The following MAPDA variants were observed in gnomAD, a reference collection of about 807,000 sequenced individuals.
MAPDA encodes N6,N6-dimethyl-AMP deaminase.
At chr15:43,342,360 A>G in the MAPDA span, among the ~76,000 whole-genome samples, 1 of 151,876 alleles carries the variant, frequency 6.6e-6, no homozygotes, top group Non-Finnish European at 1.5e-5. Context: ...CCTGGATGAG[A>G]AACACTAAGC....
chr15:43,336,754 T>C, the MAPDA span: 1 of 1,292,702 alleles, frequency 7.7e-7, no homozygotes, highest in Non-Finnish European at 1.1e-6. Context: ...TTATTGCACA[T>C]GGCCTTTCAT....
At chr15:43,334,632 A>ATTAT in the MAPDA span, among the ~76,000 whole-genome samples, 1 of 4,962 alleles carries the variant, frequency 2.0e-4, no homozygotes, top group South Asian at 0.01. Flanking sequence ...TCTCAAAAAA[A>ATTAT]TTATATATAT....
At chr15:43,347,013 A>C in the MAPDA span, 1 of 1,612,678 alleles carries the variant, frequency 6.2e-7, no homozygotes, top group Non-Finnish European at 8.5e-7. Context: ...TTTTATCTTT[A>C]AGGTAGGACA....
chr15:43,340,135 C>T, the MAPDA span: 1 of 768,192 alleles, frequency 1.3e-6, no homozygotes, highest in South Asian at 1.9e-5. Context: ...TAATCTCTAC[C>T]ACGTGAGAAA....
chr15:43,342,208 G>T, the MAPDA span, among the ~76,000 whole-genome samples: 1 of 151,636 alleles, frequency 6.6e-6, no homozygotes, highest in Non-Finnish European at 1.5e-5. Context: ...TTTATAATCC[G>T]GGTAAAAGGG....
At chr15:43,331,850 A>C in the MAPDA span, 1 of 152,382 alleles carries the variant, frequency 6.6e-6, no homozygotes, top group East Asian at 1.9e-4. Flanking sequence ...GGGTCAGGGC[A>C]GTGGCTAAAG....
At chr15:43,335,178 T>A in the MAPDA span, 1 of 1,613,348 alleles carries the variant, frequency 6.2e-7, no homozygotes, top group Admixed American at 1.7e-5. Flanking sequence ...GTGGTGAGAA[T>A]TCAACTACAG....
At chr15:43,336,970 C>A in the MAPDA span, among the ~76,000 whole-genome samples, 1 of 152,170 alleles carries the variant, frequency 6.6e-6, no homozygotes, top group South Asian at 2.1e-4. Flanking sequence ...ATATAACATA[C>A]ATATATGAAA....
chr15:43,337,053 G>A, the MAPDA span, among the ~76,000 whole-genome samples: 1 of 151,930 alleles, frequency 6.6e-6, no homozygotes, highest in Non-Finnish European at 1.5e-5. Flanking sequence ...CGGATCACAA[G>A]GTCAGGAGTT....
chr15:43,351,097 T>G, the MAPDA span: 6 of 1,458,592 alleles, frequency 4.1e-6, no homozygotes, highest in African/African-American at 2.8e-5. Flanking sequence ...GTTGCATTAA[T>G]TCAGATGTTC....
chr15:43,331,813 C>A, the MAPDA span: 2 of 152,138 alleles, frequency 1.3e-5, no homozygotes, highest in Admixed American at 6.5e-5. Context: ...ATTATACTTT[C>A]GAGGAGCTTA....
the MAPDA span, chr15:43,335,780 G>A: frequency 6.2e-7 from 1 of 1,613,828 alleles, no homozygotes; most frequent in Non-Finnish European, 8.5e-7. Flanking sequence ...TAAAATCCAC[G>A]ATCAGATGAC....
At chr15:43,332,921 A>G in the MAPDA span, among the ~76,000 whole-genome samples, 1 of 152,188 alleles carries the variant, frequency 6.6e-6, no homozygotes, top group Non-Finnish European at 1.5e-5. Flanking sequence ...TAAATTTGTC[A>G]TGGCATGCTG....
chr15:43,354,192 T>C, the MAPDA span: 2 of 152,228 alleles, frequency 1.3e-5, no homozygotes, highest in Non-Finnish European at 2.9e-5. Context: ...AGAAGTTTTC[T>C]GTCTTTATTG....
At chr15:43,352,076 T>G in the MAPDA span, 1 of 850,748 alleles carries the variant, frequency 1.2e-6, no homozygotes, top group Non-Finnish European at 1.8e-6. Flanking sequence ...ACCAGCACCT[T>G]ACACATGGCA....
chr15:43,336,516 T>C, the MAPDA span: 10 of 803,212 alleles, frequency 1.2e-5, no homozygotes, highest in African/African-American at 9.2e-5. Context: ...TATTCTGTAG[T>C]TCTTTGTAAA....
the MAPDA span, chr15:43,351,677 T>C: frequency 7.1e-7 from 1 of 1,405,014 alleles, no homozygotes; most frequent in Non-Finnish European, 9.5e-7. Flanking sequence ...GAAAATAGAC[T>C]CTAAACAAAA....
the MAPDA span, among the ~76,000 whole-genome samples, chr15:43,336,329 G>A: frequency 3.9e-5 from 6 of 152,264 alleles, no homozygotes; most frequent in African/African-American, 1.4e-4. Flanking sequence ...ACAGGCATGA[G>A]CCATTATACC....
At chr15:43,340,503 C>G in the MAPDA span, 5 of 635,378 alleles carry the variant, frequency 7.9e-6, no homozygotes, top group African/African-American at 7.5e-5. Context: ...TCCAAGTCCT[C>G]TCTCTGATGT....
Sources: allele counts gnomAD v4.1 joint callset (sites outside exome capture counted in the v4.1 genomes callset), GRCh38; gene constraint gnomAD v4.1.1; transcripts MANE v1.5; gene names NCBI Gene and HGNC (gene_info 2026-07-23, HGNC 2026-07-21).